PCDHGB1: variants seen among roughly 807,000 people sequenced by gnomAD.
PCDHGB1 encodes the protein protocadherin gamma subfamily B, 1, also known as protocadherin gamma-B1.
In PCDHGB1, 34 loss-of-function variants were observed where a neutral mutation model predicts 56.6. That is an observed-to-expected ratio of 0.60 (90% confidence interval 0.46 to 0.80). The LOEUF is 0.80. Ranked by LOEUF, PCDHGB1 falls within the 30% of genes least tolerant of loss-of-function variation. PCDHGB1 has a pLI of 0.00. For missense variants in PCDHGB1, 1,278 were observed against 1,204.6 expected, an observed-to-expected ratio of 1.06 and a Z score of -0.90; for synonymous variants, 561 against 505.9, an observed-to-expected ratio of 1.11 and a Z score of -1.46.
Position 141,489,273 on chromosome 5 carries a change from G to GA in PCDHGB1, c.2410-5531dup. The GA allele has an allele frequency of 6.4e-7, 1 of 1,555,870 alleles. No individual in the cohort carries two copies. The highest frequency in any genetic ancestry group is 2.2e-5 in the East Asian group (1 of 44,466). On this transcript the variant is annotated intron_variant, in intron 1 of 3. Coordinates refer to ENST00000523390, the MANE Select transcript of PCDHGB1 (RefSeq NM_018922.3). The surrounding 1 kb of genome is among the most constrained non-coding windows in gnomAD (Gnocchi z 4.5). ...CCAAGACACTCCCACAGCTCGCTGG[G>GA]AAATGGCAAGTGCTGTGCATGTTGT...
At chr5:141,381,826 CT>C (rs770630741) in intron 1 of PCDHGB1, among the ~76,000 whole-genome samples, 3,016 of 74,262 alleles carry the variant, frequency 0.041, 29 homozygotes, top group African/African-American at 0.078. Flanking sequence ...CTTTCTTCTT[CT>C]TTTTTTTTTT....
At chr5:141,445,020 C>T (rs2098454249) in intron 1 of PCDHGB1, among the ~76,000 whole-genome samples, 1 of 152,130 alleles carries the variant, frequency 6.6e-6, no homozygotes, top group Non-Finnish European at 1.5e-5. Flanking sequence ...TTTAATTTCT[C>T]TCAGCTATGT....
At chr5:141,457,555 C>A (rs1425159883) in intron 1 of PCDHGB1, among the ~76,000 whole-genome samples, 2 of 152,168 alleles carry the variant, frequency 1.3e-5, no homozygotes. Context: ...GTATGATAAG[C>A]TTTGGAGCAA....
intron 1 of PCDHGB1, among the ~76,000 whole-genome samples, chr5:141,443,667 C>G (rs62379164): frequency 0.042 from 6,382 of 152,210 alleles, 168 homozygotes; most frequent in Middle Eastern, 0.088. Flanking sequence ...TTTTACTGAA[C>G]TAGTAGTTTA....
chr5:141,376,111 C>T (rs1772297221), intron 1 of PCDHGB1: 1 of 1,613,704 alleles, frequency 6.2e-7, no homozygotes, highest in Admixed American at 1.7e-5. Flanking sequence ...CCGACCTGGG[C>T]AGCCTCGAGC....
chr5:141,478,599 T>A, intron 1 of PCDHGB1: 1 of 1,565,814 alleles, frequency 6.4e-7, no homozygotes, highest in Non-Finnish European at 8.7e-7. Flanking sequence ...TATTCCTACA[T>A]CATATTGAGG....
chr5:141,389,101 C>G, intron 1 of PCDHGB1: 1 of 1,614,030 alleles, frequency 6.2e-7, no homozygotes, highest in Non-Finnish European at 8.5e-7. Flanking sequence ...GTGACAGATG[C>G]TGTTCTAGAC....
intron 1 of PCDHGB1, chr5:141,410,847 GTCT>G: frequency 6.3e-6 from 1 of 158,248 alleles, no homozygotes. Context: ...TTTTGTCTTT[GTCT>G]TTTTTTTTTT....
intron 1 of PCDHGB1, chr5:141,407,951 A>G (rs1256400393): frequency 1.7e-6 from 1 of 578,448 alleles, no homozygotes; most frequent in Non-Finnish European, 2.8e-6. Flanking sequence ...GCTGTCGGCC[A>G]GTGCAGAGCA....
chr5:141,478,394 G>T (rs2099453142), intron 1 of PCDHGB1: 4 of 1,613,586 alleles, frequency 2.5e-6, no homozygotes, highest in Non-Finnish European at 3.4e-6. Flanking sequence ...TTACCATCAG[G>T]TGTATCTCAC....
rs1267535064 is a variant in PCDHGB1, at chr5:141,395,542, T to TTGTTTGTG, written c.2409+42876_2409+42877insTTGTGTGT. On this transcript the variant is annotated intron_variant, in intron 1 of 3. Coordinates refer to ENST00000523390, the MANE Select transcript of PCDHGB1 (RefSeq NM_018922.3). Reference sequence around the variant, plus strand: ...TCCATACTGGTAATTTTGCTATTGTTTGTGTGTGTGTGTGTGTGTGTGTGT... The same window carrying TTGTTTGTG: ...TCCATACTGGTAATTTTGCTATTGTTTGTTTGTGTGTGTGTGTGTGTGTGTGTGTGTGT... 308 of 172,612 alleles carry TTGTTTGTG rather than the reference T, an allele frequency of 1.8e-3. 2 individuals are homozygous for TTGTTTGTG. Among genetic ancestry groups the TTGTTTGTG allele is most frequent in the African/African-American group, 0.017 (292 of 17,534 alleles). The allele number at this position is 172,612 out of a possible 1,614,324, so 10.7% of individuals were successfully genotyped here.
chr5:141,477,551 C>A lies in PCDHGB1; in HGVS notation c.2410-17256C>A. The A allele has an allele frequency of 6.2e-7, 1 of 1,614,178 alleles. No homozygotes were observed. The highest frequency in any genetic ancestry group is 1.3e-5 in the African/African-American group (1 of 75,032). ...CCTCCCCGGGGCTCCAATACTAAAC[C>A]TAAGTGTCTGGGACCCCGACGCCCC... is the stretch of plus-strand genomic sequence containing the variant. On this transcript the variant is annotated intron_variant, in intron 1 of 3. Transcript: ENST00000523390. The surrounding 1 kb of genome is among the most constrained non-coding windows in gnomAD (Gnocchi z 4.9).
chr5:141,413,137 T>C, intron 1 of PCDHGB1: 1 of 1,550,612 alleles, frequency 6.4e-7, no homozygotes, highest in Non-Finnish European at 8.7e-7. Flanking sequence ...ACACAACGTG[T>C]CCAGTGAGGA....
chr5:141,351,986 C>A lies in PCDHGB1; in HGVS notation c.1726C>A (p.Arg576Ser), dbSNP rs776609502. ...CTCCGCCCTCTTCGATATGGTGCCACGCGCCGCAGAGCCCGGCTACCTGGT... is the reference window on the plus strand; with the variant it reads ...CTCCGCCCTCTTCGATATGGTGCCAAGCGCCGCAGAGCCCGGCTACCTGGT... Reference protein sequence around the residue: ...DGSALFDMVPRAAEPGYLVTK... With the variant: ...DGSALFDMVPSAAEPGYLVTK... Residue 576 changes from arginine to serine, a missense_variant, in exon 1 of 4, where the codon CGC becomes AGC. Physicochemically the swap from Arg to Ser is moderately radical, Grantham distance 110. Transcript: ENST00000523390. 3.7e-6 allele frequency: 6 copies of A among 1,611,658 alleles called. No individual in the cohort carries two copies. The highest frequency in any genetic ancestry group is 5.1e-6 in the Non-Finnish European group (6 of 1,179,586).
intron 1 of PCDHGB1, chr5:141,413,019 C>T (rs1056458163): frequency 2.9e-6 from 2 of 683,106 alleles, no homozygotes; most frequent in Non-Finnish European, 4.7e-6. Flanking sequence ...ACTACACAAG[C>T]CCCACAAACC....
At position 141,352,188 on chromosome 5, in the gene PCDHGB1, G is replaced by C. The variant is rs752131601; in HGVS notation, c.1928G>C (p.Arg643Pro). 1.9e-6 allele frequency: 3 copies of C among 1,613,754 alleles called. No homozygotes were observed. Among genetic ancestry groups the C allele is most frequent in the Middle Eastern group, 1.6e-4 (1 of 6,072 alleles). The change falls in exon 1 of 4, where the codon CGT (arginine) becomes CCT (proline). Residue 643 changes from arginine to proline, a missense_variant. By Grantham distance (103) the Arg-to-Pro change is moderately radical. Coordinates refer to ENST00000523390, the MANE Select transcript of PCDHGB1 (RefSeq NM_018922.3). ...AARQRLLVAV[R>P]DGGQPPLSAT... Reference sequence around the variant, plus strand: ...CGCCAGCGCCTGCTGGTCGCTGTGCGTGATGGAGGACAGCCGCCACTCTCC... The same window carrying C: ...CGCCAGCGCCTGCTGGTCGCTGTGCCTGATGGAGGACAGCCGCCACTCTCC...
At chr5:141,419,301 T>G in intron 1 of PCDHGB1, 6 of 1,613,998 alleles carry the variant, frequency 3.7e-6, no homozygotes, top group Non-Finnish European at 5.1e-6. Context: ...GACCCAGACT[T>G]CGGGCTCAAC....
At chr5:141,395,078 G>T (rs756312673) in intron 1 of PCDHGB1, 3 of 1,614,126 alleles carry the variant, frequency 1.9e-6, no homozygotes, top group South Asian at 1.1e-5. Context: ...CCTATTCCCA[G>T]GAAGTCTCCC....
intron 1 of PCDHGB1, chr5:141,417,592 TG>T: frequency 2.1e-6 from 1 of 485,078 alleles, no homozygotes; most frequent in Non-Finnish European, 3.5e-6. Context: ...ACAGAGCCTC[TG>T]GGCGCCGCCG....
Sources: allele counts gnomAD v4.1 joint callset (sites outside exome capture counted in the v4.1 genomes callset), GRCh38; gene constraint gnomAD v4.1.1; non-coding constraint Gnocchi (gnomAD v3.1); transcripts MANE v1.5; gene names NCBI Gene and HGNC (gene_info 2026-07-23, HGNC 2026-07-21).